The following FHOD3 variants were observed in gnomAD, a reference collection of about 807,000 sequenced individuals.
The protein encoded by FHOD3 is FH1/FH2 domain-containing protein 3.
Under a neutral mutation model 173.0 loss-of-function variants are expected in FHOD3, and 90 were observed. That is an observed-to-expected ratio of 0.52 (90% CI 0.44 to 0.62). FHOD3 has a LOEUF of 0.62. Among genes scored for constraint, FHOD3 ranks in the 20% least tolerant of loss-of-function variants. The pLI, the probability that FHOD3 is intolerant of heterozygous loss-of-function variation, is 0.00. For synonymous variants in FHOD3, 828 were observed against 823.0 expected (o/e 1.01, Z -0.10); for missense variants, 1,945 against 2,034.7 (o/e 0.96, Z 0.85).
intron 14 of FHOD3, among the ~76,000 whole-genome samples, chr18:36,667,533 C>A (rs1444153849): frequency 1.3e-5 from 2 of 152,124 alleles, no homozygotes; most frequent in Non-Finnish European, 2.9e-5. Flanking sequence ...AGACTGCAAA[C>A]CTTGCAGCGT....
intron 4 of FHOD3, among the ~76,000 whole-genome samples, chr18:36,504,462 AATC>A (rs1457052087): frequency 6.6e-6 from 1 of 152,172 alleles, no homozygotes. Context: ...TGAAACTGGA[AATC>A]ATCATTCTCA....
At chr18:36,380,860 T>C (rs565750113) in intron 3 of FHOD3, among the ~76,000 whole-genome samples, 4 of 152,084 alleles carry the variant, frequency 2.6e-5, no homozygotes, top group African/African-American at 9.6e-5. Context: ...ATTTGCAGCT[T>C]GGTTCTTTCC....
intron 14 of FHOD3, among the ~76,000 whole-genome samples, chr18:36,673,426 T>G (rs948756743): frequency 3.3e-5 from 5 of 152,236 alleles, no homozygotes; most frequent in African/African-American, 1.2e-4. Context: ...GTTTGTATAA[T>G]GGAAATAATG....
intron 5 of FHOD3, among the ~76,000 whole-genome samples, chr18:36,541,480 A>G (rs1022830723): frequency 2.0e-5 from 3 of 152,072 alleles, no homozygotes; most frequent in Non-Finnish European, 4.4e-5. Flanking sequence ...TCCCTTGAGC[A>G]CAATCCTGTC....
chr18:36,618,231 GAGTAAT>G (rs1472425666), intron 9 of FHOD3, among the ~76,000 whole-genome samples: 1 of 147,788 alleles, frequency 6.8e-6, no homozygotes, highest in African/African-American at 2.5e-5. Context: ...TTTTTGAGTT[GAGTAAT>G]TGATTTCTTT....
At chr18:36,770,392 G>A (rs936355891) in intron 28 of FHOD3, among the ~76,000 whole-genome samples, 2 of 152,348 alleles carry the variant, frequency 1.3e-5, no homozygotes, top group Admixed American at 6.5e-5. Flanking sequence ...CACAGGAGGT[G>A]ACCAGGGTGT....
intron 19 of FHOD3, among the ~76,000 whole-genome samples, chr18:36,720,616 A>G (rs770001704): frequency 2.0e-5 from 3 of 152,080 alleles, no homozygotes; most frequent in African/African-American, 7.2e-5. Context: ...TGTGGTTGCT[A>G]GAAGTTACCC....
intron 17 of FHOD3, among the ~76,000 whole-genome samples, chr18:36,695,996 C>G (rs894406681): frequency 3.9e-5 from 6 of 152,190 alleles, no homozygotes; most frequent in Non-Finnish European, 8.8e-5. Flanking sequence ...TCCAAACGTG[C>G]CAGGGATTGC....
chr18:36,332,559 C>A (rs886801275), intron 1 of FHOD3, among the ~76,000 whole-genome samples: 1 of 152,238 alleles, frequency 6.6e-6, no homozygotes, highest in Admixed American at 6.5e-5. Context: ...AGGATGCCCC[C>A]CTCTCTGCAT....
intron 16 of FHOD3, among the ~76,000 whole-genome samples, chr18:36,690,768 C>A (rs969447002): frequency 6.6e-5 from 10 of 152,136 alleles, no homozygotes; most frequent in African/African-American, 2.4e-4. Flanking sequence ...AAATGCACAT[C>A]ACATGAAATT....
Position 36,576,462 on chromosome 18 carries a change from A to T in FHOD3, c.523A>T (p.Ile175Phe). 6.2e-7 allele frequency: 1 copy of T among 1,613,252 alleles called. No individual in the cohort carries two copies. The highest frequency in any genetic ancestry group is 8.5e-7 in the Non-Finnish European group (1 of 1,179,642). ...QNYILRALGQIMLYVDGMNGV... is the reference protein window; with the variant it reads ...QNYILRALGQFMLYVDGMNGV... ...CTTGTTTTCTGTAGCTTTGGGCCAG[A>T]TTATGTTGTATGTGGATGGAATGAA... The change falls in exon 6 of 29, where the codon ATT becomes TTT. Residue 175 changes from isoleucine (I) to phenylalanine (F), a missense_variant. By Grantham distance (21) the Ile-to-Phe change is conservative. This residue lies in a region of FHOD3 where 245 missense variants were observed against 267.7 expected (regional missense o/e 0.92). Transcript: ENST00000590592.
At chr18:36,336,253 G>A (rs111365881) in intron 1 of FHOD3, among the ~76,000 whole-genome samples, 54 of 152,252 alleles carry the variant, frequency 3.5e-4, no homozygotes, top group African/African-American at 1.2e-3. Context: ...ATGCTGAACC[G>A]GAAAGGAACC....
intron 3 of FHOD3, among the ~76,000 whole-genome samples, chr18:36,384,850 T>C (rs2047954046): frequency 6.6e-6 from 1 of 152,220 alleles, no homozygotes; most frequent in Middle Eastern, 3.4e-3. Flanking sequence ...GTCAAGGAGA[T>C]AGTGAGTGTG....
intron 3 of FHOD3, among the ~76,000 whole-genome samples, chr18:36,381,543 T>A (rs1428855725): frequency 6.6e-6 from 1 of 152,192 alleles, no homozygotes; most frequent in Non-Finnish European, 1.5e-5. Context: ...AGGCAGAGGC[T>A]GCGAGTCCCT....
intron 10 of FHOD3, among the ~76,000 whole-genome samples, chr18:36,628,482 C>T (rs1245919525): frequency 1.3e-5 from 2 of 152,162 alleles, no homozygotes; most frequent in African/African-American, 4.8e-5. Flanking sequence ...CTTAGTCTCC[C>T]TGTAGACTTA....
intron 15 of FHOD3, among the ~76,000 whole-genome samples, chr18:36,685,010 G>T (rs1035777693): frequency 3.3e-5 from 5 of 152,128 alleles, no homozygotes; most frequent in Non-Finnish European, 7.4e-5. Flanking sequence ...TCACTGTGTT[G>T]CCCAGGCTGG....
intron 3 of FHOD3, among the ~76,000 whole-genome samples, chr18:36,399,772 C>A (rs1349565202): frequency 6.6e-6 from 1 of 152,174 alleles, no homozygotes; most frequent in Non-Finnish European, 1.5e-5. Context: ...TGCTGGGAAT[C>A]CAGGATCAAC....
intron 3 of FHOD3, among the ~76,000 whole-genome samples, chr18:36,398,327 T>A (rs949074879): frequency 2.0e-5 from 3 of 152,240 alleles, no homozygotes; most frequent in African/African-American, 7.2e-5. Flanking sequence ...GCAGTAGCAG[T>A]AGGTGGAGAG....
intron 3 of FHOD3, among the ~76,000 whole-genome samples, chr18:36,486,538 T>A (rs1394892292): frequency 2.0e-5 from 3 of 152,192 alleles, no homozygotes; most frequent in African/African-American, 7.2e-5. Context: ...CAAAGGATGT[T>A]TTATAGTGAT....
Sources: gnomAD v4.1 joint callset for allele counts (sites outside exome capture counted in the v4.1 genomes callset) on GRCh38, gnomAD v4.1.1 for gene constraint, gnomAD v4.1.1 regional missense constraint, MANE v1.5 for transcripts, NCBI Gene and HGNC (gene_info 2026-07-23, HGNC 2026-07-21) for gene names.